Variants in ROBO1 observed in about 807,000 individuals in gnomAD.
ROBO1 encodes the protein roundabout guidance receptor 1.
Under a neutral mutation model 195.9 loss-of-function variants are expected in ROBO1, and 149 were observed. The observed-to-expected ratio is 0.76, with a 90% CI of 0.67 to 0.87. The LOEUF (loss-of-function observed/expected upper bound fraction) is 0.87, where lower values mean the gene tolerates loss of function less well. Ranked by LOEUF, ROBO1 falls within the 40% of genes least tolerant of loss-of-function variation. The pLI, the probability that ROBO1 is intolerant of heterozygous loss-of-function variation, is 0.00. For missense variants in ROBO1, 1,933 were observed against 2,068.3 expected (o/e 0.93, Z 1.27); for synonymous variants, 816 against 733.2 (o/e 1.11, Z -1.82).
In ROBO1 at chr3:79,592,909, C is replaced by T. The variant is rs535228226; in HGVS notation, c.-50-2948G>A. 1.5e-4 allele frequency among the ~76,000 whole-genome samples: 23 copies of T among 152,142 alleles called. No homozygotes were observed. The South Asian group carries it at 4.1e-3, about 27-fold the overall frequency. ...TTCATCTATTCATCCCTCCCCCTTC[C>T]GAACCCCTAGAAACTGCTGATCTGT... is the stretch of plus-strand genomic sequence containing the variant. On this transcript the variant is annotated intron_variant, in intron 1 of 30. Transcript: ENST00000464233.
intron 2 of ROBO1, among the ~76,000 whole-genome samples, chr3:79,183,353 A>G (rs1235221175): frequency 6.6e-6 from 1 of 152,168 alleles, no homozygotes; most frequent in Non-Finnish European, 1.5e-5. Context: ...ATGAATGTGA[A>G]GAAAGAGAAA....
intron 4 of ROBO1, among the ~76,000 whole-genome samples, chr3:78,829,263 C>A (rs2031925720): frequency 6.6e-6 from 1 of 152,032 alleles, no homozygotes; most frequent in Non-Finnish European, 1.5e-5. Flanking sequence ...GTGAAAAGGG[C>A]TTTTTCCCCT....
In ROBO1 at chr3:78,627,368, C is replaced by T; in HGVS notation, c.3828G>A (p.Gln1276=). ...SPQEELQPML[Q]DCPEETGHMQ... Reference sequence around the variant, plus strand: ...TGTGGCCAGTCTCCTCTGGACAATCCTGTAACATGGGCTGGAGTTCTTCCT... The same window carrying T: ...TGTGGCCAGTCTCCTCTGGACAATCTTGTAACATGGGCTGGAGTTCTTCCT... The change falls in exon 26 of 31, where the codon CAG becomes CAA. Residue 1276 remains glutamine (Q), a synonymous_variant. Coordinates refer to ENST00000464233, the MANE Select transcript of ROBO1 (RefSeq NM_002941.4). 6.2e-7 allele frequency: 1 copy of T among 1,612,588 alleles called. No individual in the cohort carries two copies. Among genetic ancestry groups the T allele is most frequent in the Non-Finnish European group, 8.5e-7 (1 of 1,179,350 alleles).
chr3:78,921,292 T>C (rs914326901), intron 4 of ROBO1, among the ~76,000 whole-genome samples: 15 of 152,238 alleles, frequency 9.9e-5, no homozygotes, highest in African/African-American at 3.4e-4. Context: ...AATCACAGTA[T>C]TTTTCTTCCT....
In ROBO1 at chr3:79,018,356, G is replaced by A; in HGVS notation, c.173-79429C>T. 5 of 1,608,076 alleles carry A rather than the reference G, an allele frequency of 3.1e-6. No individual in the cohort carries two copies. In the South Asian group the frequency reaches 4.4e-5, roughly 14 times the overall value. ...TCTGGGTTTGATCGTGCAAAGTGGA[G>A]AGGGGGCGAACAGGGAGGATCAAGG... On this transcript the variant is annotated intron_variant, in intron 3 of 30. Transcript: ENST00000464233.
At chr3:79,530,545 C>A (rs1407377071) in intron 2 of ROBO1, among the ~76,000 whole-genome samples, 1 of 152,082 alleles carries the variant, frequency 6.6e-6, no homozygotes, top group Non-Finnish European at 1.5e-5. Context: ...TCTTCGCATT[C>A]CATATTCAAC....
chr3:79,547,845 C>G (rs1257729066), intron 2 of ROBO1, among the ~76,000 whole-genome samples: 1 of 152,132 alleles, frequency 6.6e-6, no homozygotes. Context: ...TGGGACTACA[C>G]AGACATTTTA....
intron 2 of ROBO1, among the ~76,000 whole-genome samples, chr3:79,558,353 GT>G (rs1559991527): frequency 6.6e-6 from 1 of 152,164 alleles, no homozygotes; most frequent in South Asian, 2.1e-4. Context: ...CAGTAAATAT[GT>G]TTTTTTCTTA....
At position 79,030,868 on chromosome 3, in the gene ROBO1, C is replaced by T. The variant is rs545154474; in HGVS notation, c.173-91941G>A. ...TCCCAAGTAGCTGGGATTACAGGCA[C>T]GCACTGCCACACCCAGCTAATTTTT... On this transcript the variant is annotated intron_variant, in intron 3 of 30. Coordinates refer to ENST00000464233, the MANE Select transcript of ROBO1 (RefSeq NM_002941.4). Among the ~76,000 whole-genome samples the T allele has an allele frequency of 1.1e-3, 160 of 152,058 alleles. 2 individuals are homozygous for T. Among genetic ancestry groups the T allele is most frequent in the Non-Finnish European group, 1.0e-3 (70 of 67,988 alleles).
intron 8 of ROBO1, among the ~76,000 whole-genome samples, chr3:78,694,496 G>T (rs183455655): frequency 3.9e-5 from 6 of 152,078 alleles, no homozygotes; most frequent in Non-Finnish European, 8.8e-5. Context: ...TAATTCATAC[G>T]TTCCCTTCAA....
At chr3:79,328,507 G>T (rs902106921) in intron 2 of ROBO1, among the ~76,000 whole-genome samples, 8 of 152,146 alleles carry the variant, frequency 5.3e-5, no homozygotes, top group Non-Finnish European at 8.8e-5. Flanking sequence ...CTTAGGAGTT[G>T]TATCGAGGCA....
chr3:79,734,490 C>CA (rs1435904258), intron 1 of ROBO1, among the ~76,000 whole-genome samples: 1 of 152,084 alleles, frequency 6.6e-6, no homozygotes, highest in African/African-American at 2.4e-5. Flanking sequence ...AACTGTTTTG[C>CA]AAAAAATTGC....
intron 2 of ROBO1, among the ~76,000 whole-genome samples, chr3:79,411,183 T>C (rs2037749410): frequency 6.6e-6 from 1 of 152,124 alleles, no homozygotes; most frequent in Admixed American, 6.6e-5. Flanking sequence ...TGATGACCTA[T>C]AGGGTGATAA....
At chr3:79,341,255 TAAAGAG>T (rs2034895579) in intron 2 of ROBO1, among the ~76,000 whole-genome samples, 1 of 152,134 alleles carries the variant, frequency 6.6e-6, no homozygotes, top group Non-Finnish European at 1.5e-5. Context: ...ATGGCTACTT[TAAAGAG>T]AAAAACAGTT....
At chr3:79,425,173 C>T (rs1023925113) in intron 2 of ROBO1, among the ~76,000 whole-genome samples, 4 of 152,020 alleles carry the variant, frequency 2.6e-5, no homozygotes, top group Non-Finnish European at 5.9e-5. Flanking sequence ...TTATATGCCC[C>T]TCACATTTTA....
At chr3:78,713,048 C>T (rs1398530692) in intron 8 of ROBO1, among the ~76,000 whole-genome samples, 2 of 152,102 alleles carry the variant, frequency 1.3e-5, no homozygotes, top group African/African-American at 2.4e-5. Context: ...GGATTTGACA[C>T]CTCTTATATT....
chr3:79,732,817 G>T (rs747670263), intron 1 of ROBO1, among the ~76,000 whole-genome samples: 1 of 152,004 alleles, frequency 6.6e-6, no homozygotes, highest in African/African-American at 2.4e-5. Flanking sequence ...TATCCTGGGC[G>T]TTTTTTATAC....
At chr3:79,670,568 C>A (rs1281678323) in intron 1 of ROBO1, among the ~76,000 whole-genome samples, 1 of 151,878 alleles carries the variant, frequency 6.6e-6, no homozygotes, top group African/African-American at 2.4e-5. Context: ...AACTGTCAAA[C>A]CTAGCTAAAC....
chr3:79,512,359 T>G (rs543360564), intron 2 of ROBO1, among the ~76,000 whole-genome samples: 1 of 152,306 alleles, frequency 6.6e-6, no homozygotes, highest in Admixed American at 6.5e-5. Flanking sequence ...CACCATTTTT[T>G]TGTGATTATG....
Sources: allele counts gnomAD v4.1 joint callset (sites outside exome capture counted in the v4.1 genomes callset), GRCh38; gene constraint gnomAD v4.1.1; transcripts MANE v1.5; gene names NCBI Gene and HGNC (gene_info 2026-07-23, HGNC 2026-07-21).